The following GALNT18 variants were observed in gnomAD, a reference collection of about 807,000 sequenced individuals.
GALNT18 encodes the protein GalNAc-transferase 18.
GALNT18 carries 44 observed loss-of-function variants against 69.5 expected under a neutral mutation model. That is an observed-to-expected ratio of 0.63 (90% CI 0.50 to 0.81). The LOEUF is 0.81. GALNT18 is among the 40% of genes least tolerant of loss of function. The pLI is 0.00. For synonymous variants in GALNT18, 364 were observed against 318.2 expected (o/e 1.14, Z -1.53); for missense variants, 715 against 810.0 (o/e 0.88, Z 1.42).
chr11:11,366,888 G>C (rs1850784314), intron 6 of GALNT18, among the ~76,000 whole-genome samples: 1 of 152,210 alleles, frequency 6.6e-6, no homozygotes, highest in African/African-American at 2.4e-5. Context: ...AAAAACCTAG[G>C]AGAGGGGATG....
chr11:11,310,784 A>G (rs1374607953), intron 9 of GALNT18, among the ~76,000 whole-genome samples: 2 of 152,250 alleles, frequency 1.3e-5, no homozygotes, highest in Non-Finnish European at 2.9e-5. Context: ...CAGAAAAAGC[A>G]TCTGGGACAA....
intron 1 of GALNT18, among the ~76,000 whole-genome samples, chr11:11,526,469 T>C (rs987028636): frequency 2.0e-5 from 3 of 152,230 alleles, no homozygotes; most frequent in African/African-American, 7.2e-5. Context: ...AACCAGAACA[T>C]ATGTAGTTAT....
chr11:11,568,612 G>A (rs1858709194), intron 1 of GALNT18, among the ~76,000 whole-genome samples: 1 of 152,050 alleles, frequency 6.6e-6, no homozygotes, highest in Non-Finnish European at 1.5e-5. Context: ...AAGAGCCAAT[G>A]GAGACTCACT....
chr11:11,441,296 C>T (rs1044760408), intron 2 of GALNT18, among the ~76,000 whole-genome samples: 2 of 152,158 alleles, frequency 1.3e-5, no homozygotes, highest in East Asian at 1.9e-4. Flanking sequence ...TTTGTTTGTA[C>T]AGTTAGTGTG....
At chr11:11,539,182 T>A (rs1232978215) in intron 1 of GALNT18, among the ~76,000 whole-genome samples, 1 of 152,200 alleles carries the variant, frequency 6.6e-6, no homozygotes, top group South Asian at 2.1e-4. Context: ...AGATCTGATA[T>A]CCAAGGCTCC....
rs375665765 is a variant in GALNT18, at chr11:11,537,489, C to G, written c.235+83870G>C. On this transcript the variant is annotated intron_variant, in intron 1 of 10. Transcript: ENST00000227756. ...GTCTGCATGGTGTCTAGACAGGGAG[C>G]TGAGAAGAAAGGATATGTCCGTGTG... Among the ~76,000 whole-genome samples, 15 of 152,238 alleles carry G rather than the reference C, an allele frequency of 9.9e-5. No homozygotes were observed. In the South Asian group the frequency reaches 2.9e-3, roughly 29 times the overall value.
At chr11:11,281,106 C>G (rs999136811) in intron 10 of GALNT18, among the ~76,000 whole-genome samples, 1 of 152,200 alleles carries the variant, frequency 6.6e-6, no homozygotes, top group Non-Finnish European at 1.5e-5. Context: ...TTTGTCTTCC[C>G]CACCATGCTG....
intron 9 of GALNT18, among the ~76,000 whole-genome samples, chr11:11,310,836 A>G (rs1314612094): frequency 1.3e-5 from 2 of 152,224 alleles, no homozygotes; most frequent in African/African-American, 2.4e-5. Context: ...AAAATCAAAT[A>G]TAAGAATCCA....
chr11:11,610,237 C>T (rs73413676), intron 1 of GALNT18, among the ~76,000 whole-genome samples: 4,621 of 152,316 alleles, frequency 0.03, 224 homozygotes, highest in African/African-American at 0.11. Flanking sequence ...ATCAACATTA[C>T]TGGAGCAGAA....
chr11:11,329,236 G>A (rs764154894), intron 8 of GALNT18, among the ~76,000 whole-genome samples: 9 of 152,190 alleles, frequency 5.9e-5, no homozygotes, highest in Non-Finnish European at 1.3e-4. Flanking sequence ...ATAATTGTTG[G>A]CTGCTATTAT....
intron 2 of GALNT18, among the ~76,000 whole-genome samples, chr11:11,446,415 G>A (rs930089461): frequency 1.3e-5 from 2 of 152,126 alleles, no homozygotes; most frequent in Non-Finnish European, 2.9e-5. Context: ...AAAAGTCCAT[G>A]GCTCTTCTTC....
rs1306279373 is a variant in GALNT18 at position 11,432,279 on chromosome 11, T to C, written c.595+342A>G. Among the ~76,000 whole-genome samples, 1 of 152,080 alleles carries C rather than the reference T, an allele frequency of 6.6e-6. No individual in the cohort carries two copies. The highest frequency in any genetic ancestry group is 6.5e-5 in the Admixed American group (1 of 15,278). Reference sequence around the variant, plus strand: ...GCAGAGGCTGTGGAACCCTACTAGGTGAAATGATGCATCATGGAAAAGAGT... The same window carrying C: ...GCAGAGGCTGTGGAACCCTACTAGGCGAAATGATGCATCATGGAAAAGAGT... On this transcript the variant is annotated intron_variant, in intron 3 of 10. Coordinates refer to ENST00000227756, the MANE Select transcript of GALNT18 (RefSeq NM_198516.3). The surrounding 1 kb of genome is among the most constrained non-coding windows in gnomAD (Gnocchi z 5.8).
chr11:11,558,809 T>G (rs1395020846), intron 1 of GALNT18, among the ~76,000 whole-genome samples: 1 of 152,194 alleles, frequency 6.6e-6, no homozygotes, highest in Non-Finnish European at 1.5e-5. Flanking sequence ...TCAAGGGACT[T>G]TGTTTATAGA....
intron 1 of GALNT18, among the ~76,000 whole-genome samples, chr11:11,515,005 A>G (rs564586655): frequency 1.3e-5 from 2 of 152,348 alleles, no homozygotes; most frequent in East Asian, 3.9e-4. Context: ...CCAACTGTGC[A>G]CTACGCTTGT....
rs1859696996 is a variant in GALNT18, at chr11:11,604,321, C to T, written c.235+17038G>A. 6.6e-6 allele frequency among the ~76,000 whole-genome samples: 1 copy of T among 151,920 alleles called. No individual in the cohort carries two copies. The highest frequency in any genetic ancestry group is 1.5e-5 in the Non-Finnish European group (1 of 67,988). On this transcript the variant is annotated intron_variant, in intron 1 of 10. Transcript: ENST00000227756. This position sits in a 1 kb window ranked among gnomAD's most constrained non-coding sequence, Gnocchi z 5.6. The stretch of plus-strand genomic sequence containing the variant: ...CATTGTGCATGGTCTCCATCAGTGG[C>T]ACTGTGCTGACCACGCCATCCACAC...
At chr11:11,346,551 G>A (rs1285539172) in intron 6 of GALNT18, among the ~76,000 whole-genome samples, 1 of 152,166 alleles carries the variant, frequency 6.6e-6, no homozygotes, top group Non-Finnish European at 1.5e-5. Flanking sequence ...AATTAATGTC[G>A]TAAAACCTAG....
intron 1 of GALNT18, among the ~76,000 whole-genome samples, chr11:11,571,783 A>G (rs1285908696): frequency 1.3e-5 from 2 of 152,210 alleles, no homozygotes; most frequent in South Asian, 2.1e-4. Context: ...GGAAAAAAAA[A>G]TTGGTGTGTG....
chr11:11,295,827 C>T (rs1477791953), intron 9 of GALNT18, among the ~76,000 whole-genome samples: 6 of 152,162 alleles, frequency 3.9e-5, no homozygotes, highest in Non-Finnish European at 8.8e-5. Flanking sequence ...AAGTTCTGAG[C>T]AGAGGCCAAA....
chr11:11,447,789 C>T (rs956277344), intron 2 of GALNT18, among the ~76,000 whole-genome samples: 3 of 152,182 alleles, frequency 2.0e-5, no homozygotes, highest in Non-Finnish European at 4.4e-5. Context: ...TTACCTCCTA[C>T]CTGGTCCCTC....
Sources: allele counts gnomAD v4.1 joint callset (sites outside exome capture counted in the v4.1 genomes callset), GRCh38; gene constraint gnomAD v4.1.1; non-coding constraint Gnocchi (gnomAD v3.1); transcripts MANE v1.5; gene names NCBI Gene and HGNC (gene_info 2026-07-23, HGNC 2026-07-21).